The following ZNF521 variants were observed in gnomAD, a reference collection of about 807,000 sequenced individuals.
ZNF521 encodes LYST-interacting protein 3.
ZNF521 carries 14 observed loss-of-function variants against 105.5 expected under a neutral mutation model. That is an observed-to-expected ratio of 0.13 (90% CI 0.09 to 0.21). The LOEUF (loss-of-function observed/expected upper bound fraction) is 0.21. ZNF521 is among the 10% of genes least tolerant of loss of function. ZNF521 has a pLI of 1.00. For synonymous variants in ZNF521, 635 were observed against 606.0 expected (o/e 1.05, Z -0.70); for missense variants, 1,233 against 1,629.7 (o/e 0.76, Z 4.19).
Position 25,062,531 on chromosome 18 carries a change from G to T in ZNF521, c.*181C>A. On this transcript the variant is annotated 3_prime_UTR_variant, in exon 8 of 8. Transcript: ENST00000361524. ...ATGTGCAACACTTTATATACAAGGG[G>T]TCTATCCGGTGCGCAAAAGTTCAAA... 1 of 736,538 alleles carries T rather than the reference G, an allele frequency of 1.4e-6. No homozygotes were observed. Among genetic ancestry groups the T allele is most frequent in the Non-Finnish European group, 2.2e-6 (1 of 449,592 alleles). 45.6% of individuals were successfully genotyped at this position (736,538 alleles called of 1,614,324 possible). A position where few individuals can be genotyped will look rare whatever the true frequency, so the allele number is the denominator to read the frequency against.
At chr18:25,265,720 A>C (rs574954993) in intron 3 of ZNF521, among the ~76,000 whole-genome samples, 2 of 152,368 alleles carry the variant, frequency 1.3e-5, no homozygotes, top group Non-Finnish European at 2.9e-5. Context: ...CAGTAAATCA[A>C]AGAGATAAGT....
chr18:25,083,716 A>T (rs2033554845), intron 7 of ZNF521, among the ~76,000 whole-genome samples: 2 of 151,890 alleles, frequency 1.3e-5, no homozygotes, highest in Admixed American at 1.3e-4. Flanking sequence ...CATCATGGTG[A>T]ATTTAAAAAG....
At chr18:25,164,012 G>A (rs957648521) in intron 5 of ZNF521, among the ~76,000 whole-genome samples, 2 of 152,144 alleles carry the variant, frequency 1.3e-5, no homozygotes, top group Admixed American at 1.3e-4. Context: ...AAATCATTTG[G>A]TACTCTCAAT....
At chr18:25,252,066 A>C (rs1908158410) in intron 3 of ZNF521, among the ~76,000 whole-genome samples, 1 of 152,202 alleles carries the variant, frequency 6.6e-6, no homozygotes, top group African/African-American at 2.4e-5. Flanking sequence ...AAGTAATAAT[A>C]AGGTGTAAAA....
rs147931313 is a variant in ZNF521, at chr18:25,086,666, A to G, written c.3906+2799T>C. ...TGTTCTTATCTAAGGAATGATTCAC[A>G]TATTAAACCTGAGTATTCGCATCAA... On this transcript the variant is annotated intron_variant, in intron 7 of 7. Coordinates refer to ENST00000361524, the MANE Select transcript of ZNF521 (RefSeq NM_015461.3). 1.9e-3 allele frequency among the ~76,000 whole-genome samples: 293 copies of G among 152,298 alleles called. 2 individuals are homozygous for G. The highest frequency in any genetic ancestry group is 6.7e-3 in the African/African-American group (278 of 41,580).
chr18:25,214,574 AC>A (rs1367834783), intron 4 of ZNF521, among the ~76,000 whole-genome samples: 1 of 152,098 alleles, frequency 6.6e-6, no homozygotes, highest in Non-Finnish European at 1.5e-5. Flanking sequence ...ATATCTCGAA[AC>A]TTTTGAAATG....
intron 3 of ZNF521, among the ~76,000 whole-genome samples, chr18:25,291,475 A>G (rs1442277188): frequency 6.6e-6 from 1 of 152,226 alleles, no homozygotes. Flanking sequence ...ACACAGCTAC[A>G]TAAGAGTAAG....
chr18:25,322,729 T>C (rs1443281495), intron 2 of ZNF521, among the ~76,000 whole-genome samples: 11 of 152,128 alleles, frequency 7.2e-5, no homozygotes, highest in Admixed American at 2.0e-4. Context: ...TGTTAGACAG[T>C]GATAGCAAAA....
In ZNF521 at chr18:25,220,824, A is replaced by G. The variant is rs547251511; in HGVS notation, c.3573+3521T>C. 5.9e-5 allele frequency among the ~76,000 whole-genome samples: 9 copies of G among 152,346 alleles called. No individual in the cohort carries two copies. In the South Asian group the frequency reaches 1.9e-3, roughly 32 times the overall value. Reference sequence around the variant, plus strand: ...TTCCAAAATCTACTGTAGAACTTCAAAGTCATGAGACAACATTCTGAGGTC... The same window carrying G: ...TTCCAAAATCTACTGTAGAACTTCAGAGTCATGAGACAACATTCTGAGGTC... On this transcript the variant is annotated intron_variant, in intron 4 of 7. Transcript: ENST00000361524.
intron 3 of ZNF521, among the ~76,000 whole-genome samples, chr18:25,286,905 C>A (rs528607474): frequency 6.6e-6 from 1 of 152,278 alleles, no homozygotes; most frequent in South Asian, 2.1e-4. Flanking sequence ...AGGGTGGTTT[C>A]AATTCCAAAT....
chr18:25,211,224 T>C (rs2036173017), intron 4 of ZNF521, among the ~76,000 whole-genome samples: 1 of 152,228 alleles, frequency 6.6e-6, no homozygotes, highest in Non-Finnish European at 1.5e-5. Flanking sequence ...TTAGAATATA[T>C]GGCTAGAAAT....
At chr18:25,293,847 A>T (rs1001300979) in intron 3 of ZNF521, among the ~76,000 whole-genome samples, 1 of 152,248 alleles carries the variant, frequency 6.6e-6, no homozygotes, top group African/African-American at 2.4e-5. Context: ...TTTAAATTAA[A>T]AATCCATTTT....
rs1375509095 is a variant in ZNF521, at chr18:25,265,274, CA to C, written c.221-37578del. 7.2e-5 allele frequency among the ~76,000 whole-genome samples: 11 copies of C among 152,140 alleles called. No homozygotes were observed. In the East Asian group the frequency reaches 2.1e-3, roughly 29 times the overall value. On this transcript the variant is annotated intron_variant, in intron 3 of 7. Coordinates refer to ENST00000361524, the MANE Select transcript of ZNF521 (RefSeq NM_015461.3). ...ACTGTTGGGAACAACAAATGTGAGA[CA>C]AAAAGCAGAGGCCAAAGTAGAAGAG...
At chr18:25,091,552 G>A (rs946143752) in intron 6 of ZNF521, among the ~76,000 whole-genome samples, 3 of 152,004 alleles carry the variant, frequency 2.0e-5, no homozygotes, top group African/African-American at 7.3e-5. Context: ...TGTTTAAGTA[G>A]CAGACATGCG....
intron 5 of ZNF521, among the ~76,000 whole-genome samples, chr18:25,188,691 C>A (rs1422669568): frequency 6.6e-6 from 1 of 152,164 alleles, no homozygotes; most frequent in Non-Finnish European, 1.5e-5. Flanking sequence ...GGTCCAGAAG[C>A]CCTGCCATTG....
intron 3 of ZNF521, among the ~76,000 whole-genome samples, chr18:25,233,797 A>T (rs1906696118): frequency 6.6e-6 from 1 of 151,724 alleles, no homozygotes; most frequent in Admixed American, 6.6e-5. Flanking sequence ...GGCTCTCCTT[A>T]GGTAATCCTG....
chr18:25,336,940 G>C (rs1913924297), intron 2 of ZNF521, among the ~76,000 whole-genome samples: 1 of 152,172 alleles, frequency 6.6e-6, no homozygotes, highest in Non-Finnish European at 1.5e-5. Context: ...ATTCTCACAA[G>C]AGCTCTTTGA....
chr18:25,160,330 T>C lies in ZNF521; in HGVS notation c.3658+34830A>G, dbSNP rs80046574. Among the ~76,000 whole-genome samples, 701 of 152,356 alleles carry C rather than the reference T, an allele frequency of 4.6e-3. 8 individuals carry two copies. Among genetic ancestry groups the C allele is most frequent in the African/African-American group, 0.016 (674 of 41,574 alleles). The stretch of plus-strand genomic sequence containing the variant: ...GACCTAGATATGTTCCCTGGTGAAC[T>C]GATGCTTCTCTGTCCCTCTTACTGT... On this transcript the variant is annotated intron_variant, in intron 5 of 7. Coordinates refer to ENST00000361524, the MANE Select transcript of ZNF521 (RefSeq NM_015461.3).
chr18:25,071,214 C>T (rs1193337161), intron 7 of ZNF521, among the ~76,000 whole-genome samples: 3 of 152,034 alleles, frequency 2.0e-5, no homozygotes, highest in East Asian at 1.9e-4. Flanking sequence ...AAATATATAC[C>T]GTACTGCAGT....
Sources: gnomAD v4.1 joint callset for allele counts (sites outside exome capture counted in the v4.1 genomes callset) on GRCh38, gnomAD v4.1.1 for gene constraint, MANE v1.5 for transcripts, NCBI Gene and HGNC (gene_info 2026-07-23, HGNC 2026-07-21) for gene names.